Variants in CORIN observed in about 807,000 individuals in gnomAD.
CORIN encodes corin, serine peptidase.
In CORIN, 117 loss-of-function variants were observed where a neutral mutation model predicts 125.3. The ratio of observed to expected loss-of-function variants is 0.93; its 90% CI spans 0.80 to 1.09. CORIN has a LOEUF of 1.09. CORIN is among the 50% of genes least tolerant of loss of function. CORIN has a pLI of 0.00. For missense variants in CORIN, 1,253 were observed against 1,306.7 expected (o/e 0.96, Z 0.63); for synonymous variants, 450 against 466.4 (o/e 0.96, Z 0.45).
rs200471999 is a variant in CORIN at position 47,785,517 on chromosome 4, A to ATT, written c.409+1206_409+1207dup. On this transcript the variant is annotated intron_variant, in intron 3 of 21. Coordinates refer to ENST00000273857, the MANE Select transcript of CORIN (RefSeq NM_006587.4). ...CACATGCCATTTTTCTCAAGGTGTG[A>ATT]TTTTTTTTTTTGTCATTCACCAACA... Among the ~76,000 whole-genome samples the ATT allele has an allele frequency of 2.3e-4, 34 of 148,696 alleles. No homozygotes were observed. In the East Asian group the frequency reaches 4.7e-3, roughly 21 times the overall value.
chr4:47,595,897 T>C lies in CORIN; in HGVS notation c.2953A>G (p.Ser985Gly). The change falls in exon 22 of 22, where the codon AGC becomes GGC. Residue 985 changes from serine (S) to glycine (G), a missense_variant. Physicochemically the swap from Ser to Gly is moderately conservative, Grantham distance 56. Coordinates refer to ENST00000273857, the MANE Select transcript of CORIN (RefSeq NM_006587.4). ...SGTVDSCMGD[S>G]GGPLVCEKPG... The stretch of plus-strand genomic sequence containing the variant: ...TTCTCACAAACAAGAGGCCCACCGC[T>C]GTCACCCTGCAATAAGTAACGATGG... The C allele has an allele frequency of 6.2e-7, 1 of 1,607,610 alleles. No individual in the cohort carries two copies. Among genetic ancestry groups the C allele is most frequent in the East Asian group, 2.2e-5 (1 of 44,820 alleles).
chr4:47,723,089 T>C (rs17601635), intron 5 of CORIN, among the ~76,000 whole-genome samples: 15,050 of 152,178 alleles, frequency 0.099, 887 homozygotes, highest in East Asian at 0.27. Context: ...GAGACATCTC[T>C]TCTCCTGACC....
chr4:47,729,702 C>T (rs1199584959), intron 5 of CORIN, among the ~76,000 whole-genome samples: 1 of 152,138 alleles, frequency 6.6e-6, no homozygotes, highest in South Asian at 2.1e-4. Context: ...TAAGTGAGGA[C>T]AGGCATTTCT....
intron 5 of CORIN, among the ~76,000 whole-genome samples, chr4:47,718,989 C>G (rs927835406): frequency 2.0e-4 from 31 of 152,198 alleles, no homozygotes; most frequent in African/African-American, 7.0e-4. Flanking sequence ...TCACATGCCC[C>G]CTCCATGAGC....
At position 47,623,641 on chromosome 4, in the gene CORIN, T is replaced by C. The variant is rs1722428223; in HGVS notation, c.2470A>G (p.Ser824Gly). The C allele has an allele frequency of 6.2e-7, 1 of 1,614,198 alleles. No homozygotes were observed. Among genetic ancestry groups the C allele is most frequent in the South Asian group, 1.1e-5 (1 of 91,084 alleles). The change falls in exon 19 of 22, where the codon AGT becomes GGT. Residue 824 changes from serine (S) to glycine (G), a missense_variant. Physicochemically the swap from Ser to Gly is moderately conservative, Grantham distance 56 (BLOSUM62 0). Coordinates refer to ENST00000273857, the MANE Select transcript of CORIN (RefSeq NM_006587.4). ...AGGACACAGCCACAGATATGTCCAC[T>C]GGGTTCACTCTGCAGAGAACACTGC... ...PWQCSLQSEP[S>G]GHICGCVLIA...
At chr4:47,802,136 C>G (rs1247692476) in intron 2 of CORIN, among the ~76,000 whole-genome samples, 1 of 152,240 alleles carries the variant, frequency 6.6e-6, no homozygotes, top group African/African-American at 2.4e-5. Context: ...ATACCCAGAG[C>G]CTTGGGCTCT....
At chr4:47,787,187 T>C (rs1418608202) in intron 2 of CORIN, among the ~76,000 whole-genome samples, 1 of 152,158 alleles carries the variant, frequency 6.6e-6, no homozygotes, top group Non-Finnish European at 1.5e-5. Flanking sequence ...GTTTAGAAAC[T>C]GGGTCTCCTA....
intron 12 of CORIN, among the ~76,000 whole-genome samples, chr4:47,658,257 A>G (rs1185060714): frequency 6.6e-6 from 1 of 152,150 alleles, no homozygotes; most frequent in Admixed American, 6.5e-5. Flanking sequence ...CTCCAAAATA[A>G]TCTCCTTGGA....
intron 10 of CORIN, among the ~76,000 whole-genome samples, chr4:47,671,763 G>A (rs1285538198): frequency 1.3e-5 from 2 of 149,858 alleles, no homozygotes; most frequent in African/African-American, 4.9e-5. Flanking sequence ...TTTTTTTTTT[G>A]TATTTTTAGT....
intron 5 of CORIN, among the ~76,000 whole-genome samples, chr4:47,704,747 C>T (rs895086387): frequency 1.1e-4 from 16 of 152,206 alleles, no homozygotes; most frequent in East Asian, 3.9e-4. Context: ...TGCTTAACCC[C>T]GAGAGGTTTC....
intron 12 of CORIN, among the ~76,000 whole-genome samples, chr4:47,661,197 G>A (rs13118504): frequency 0.011 from 1,611 of 152,134 alleles, 8 homozygotes; most frequent in Non-Finnish European, 0.017. Context: ...TAGTGGTGGG[G>A]GAAAGCAGGG....
intron 3 of CORIN, among the ~76,000 whole-genome samples, chr4:47,764,981 T>C (rs1729645524): frequency 1.3e-5 from 2 of 152,042 alleles, no homozygotes; most frequent in African/African-American, 4.8e-5. Context: ...AAGAAACCAC[T>C]GAATATTAAG....
chr4:47,603,791 G>A (rs1721541563), intron 19 of CORIN, 123 bp from the exon 20 acceptor site: 2 of 1,058,346 alleles, frequency 1.9e-6, no homozygotes, highest in South Asian at 1.6e-5. Flanking sequence ...ACCTCTCAAT[G>A]TATTCATATA....
intron 3 of CORIN, among the ~76,000 whole-genome samples, chr4:47,771,034 C>T (rs1356489884): frequency 1.3e-5 from 2 of 152,056 alleles, no homozygotes; most frequent in Non-Finnish European, 2.9e-5. Context: ...TTTAAGTATA[C>T]TCACCCCCCA....
intron 13 of CORIN, among the ~76,000 whole-genome samples, chr4:47,648,433 G>A (rs1411286359): frequency 6.6e-6 from 1 of 152,174 alleles, no homozygotes; most frequent in Non-Finnish European, 1.5e-5. Context: ...GTCCCAGGCA[G>A]ATCTGGTTGA....
At chr4:47,664,997 A>T (rs1336572231) in intron 11 of CORIN, 35 bp downstream of exon 11, 1 of 1,480,198 alleles carries the variant, frequency 6.8e-7, no homozygotes, top group African/African-American at 1.4e-5. Context: ...TCTCTGAGGC[A>T]AAATAAGGGA....
chr4:47,769,306 G>A (rs1729910884), intron 3 of CORIN, among the ~76,000 whole-genome samples: 1 of 151,892 alleles, frequency 6.6e-6, no homozygotes, highest in South Asian at 2.1e-4. Flanking sequence ...AAATACTTAG[G>A]AATAAATTTA....
rs766263541 is a variant in CORIN, at chr4:47,643,179, C to T, written c.2035G>A (p.Asp679Asn). Residue 679 changes from aspartate to asparagine, a missense_variant, in exon 15 of 22, where the codon GAC becomes AAC. By Grantham distance (23) the Asp-to-Asn change is conservative. Coordinates refer to ENST00000273857, the MANE Select transcript of CORIN (RefSeq NM_006587.4). ...CATTCATCTGAACTGTCTGAGCAGT[C>T]GGCTTCACCATCACACCACAGGTCA... is the stretch of plus-strand genomic sequence containing the variant. ...SRDLWCDGEA[D>N]CSDSSDEWDC... 4.7e-5 allele frequency: 76 copies of T among 1,613,944 alleles called. No individual in the cohort carries two copies. The highest frequency in any genetic ancestry group is 3.8e-4 in the East Asian group (17 of 44,866).
chr4:47,662,172 A>G (rs567950983), intron 11 of CORIN, among the ~76,000 whole-genome samples: 3 of 152,348 alleles, frequency 2.0e-5, no homozygotes, highest in African/African-American at 4.8e-5. Flanking sequence ...TGAAGGAGAC[A>G]TATTCTCCAA....
Sources: gnomAD v4.1 joint callset for allele counts (sites outside exome capture counted in the v4.1 genomes callset) on GRCh38, gnomAD v4.1.1 for gene constraint, MANE v1.5 for transcripts, NCBI Gene and HGNC (gene_info 2026-07-23, HGNC 2026-07-21) for gene names.